The following SLC8A1 variants were observed in gnomAD, a reference collection of about 807,000 sequenced individuals.
The protein encoded by SLC8A1 is solute carrier family 8 member A1, also known as sodium/calcium exchanger 1.
SLC8A1 carries 18 observed loss-of-function variants against 68.3 expected under a neutral mutation model. That is an observed-to-expected ratio of 0.26 (90% CI 0.18 to 0.39). The LOEUF is 0.39. Among genes scored for constraint, SLC8A1 ranks in the 10% least tolerant of loss-of-function variants. SLC8A1 has a pLI of 1.00. For synonymous variants in SLC8A1, 475 were observed against 415.5 expected, an observed-to-expected ratio of 1.14 and a Z score of -1.74; for missense variants, 985 against 1,156.7, an observed-to-expected ratio of 0.85 and a Z score of 2.15.
intron 2 of SLC8A1, among the ~76,000 whole-genome samples, chr2:40,375,920 G>C (rs113519192): frequency 6.6e-6 from 1 of 152,052 alleles, no homozygotes; most frequent in East Asian, 1.9e-4. Context: ...AGAGTCGCTT[G>C]AGCTTAGGAG....
At chr2:40,431,973 G>A (rs765693427) in intron 1 of SLC8A1, among the ~76,000 whole-genome samples, 7 of 152,078 alleles carry the variant, frequency 4.6e-5, no homozygotes, top group Admixed American at 3.9e-4. Flanking sequence ...AAAATCAGAG[G>A]AGGGTTATAG....
intron 2 of SLC8A1, among the ~76,000 whole-genome samples, chr2:40,331,236 A>G (rs938957928): frequency 6.6e-6 from 1 of 152,208 alleles, no homozygotes; most frequent in African/African-American, 2.4e-5. Flanking sequence ...TTATCAATAA[A>G]TGTGTCTTAT....
chr2:40,434,228 AC>A (rs1315691987), intron 1 of SLC8A1, among the ~76,000 whole-genome samples: 1 of 152,192 alleles, frequency 6.6e-6, no homozygotes, highest in Non-Finnish European at 1.5e-5. Flanking sequence ...TTAACTAAAA[AC>A]ATTACAATTA....
intron 6 of SLC8A1, among the ~76,000 whole-genome samples, chr2:40,152,706 G>A (rs1265878504): frequency 6.6e-6 from 1 of 151,872 alleles, no homozygotes; most frequent in African/African-American, 2.4e-5. Flanking sequence ...GTGAGCCACT[G>A]CACCTGACCT....
At chr2:40,377,213 A>G (rs779722098) in intron 2 of SLC8A1, among the ~76,000 whole-genome samples, 1 of 152,120 alleles carries the variant, frequency 6.6e-6, no homozygotes, top group Admixed American at 6.6e-5. Context: ...GAAGAAACTC[A>G]AAGACATTCT....
chr2:40,483,264 T>C (rs565146935), intron 1 of SLC8A1, among the ~76,000 whole-genome samples: 4 of 150,652 alleles, frequency 2.7e-5, no homozygotes, highest in African/African-American at 9.7e-5. Flanking sequence ...TCACTGAAAA[T>C]ATATATGTTA....
exon 8 of SLC8A1, chr2:40,100,918 A>AT (rs2033854325): frequency 6.6e-6 from 1 of 151,964 alleles, no homozygotes; most frequent in Non-Finnish European, 1.5e-5. Context: ...CAGTTACAAC[A>AT]TTTTTCTCCA....
chr2:40,140,575 ACAG>A (rs1345734556), intron 6 of SLC8A1, among the ~76,000 whole-genome samples: 1 of 152,246 alleles, frequency 6.6e-6, no homozygotes, highest in Non-Finnish European at 1.5e-5. Context: ...GAGGGGGTGG[ACAG>A]CAAGCTGGGC....
intron 2 of SLC8A1, among the ~76,000 whole-genome samples, chr2:40,412,180 T>C (rs998039277): frequency 6.6e-6 from 1 of 152,108 alleles, no homozygotes; most frequent in African/African-American, 2.4e-5. Context: ...CTTAGCGATA[T>C]GTCAGAATAT....
chr2:40,251,995 TTTG>T (rs1451157891), intron 2 of SLC8A1, among the ~76,000 whole-genome samples: 4 of 152,034 alleles, frequency 2.6e-5, no homozygotes, highest in Non-Finnish European at 5.9e-5. Context: ...GAGAAAAAAG[TTTG>T]TTTTTATATA....
At chr2:40,479,826 C>T (rs573382185) in intron 1 of SLC8A1, among the ~76,000 whole-genome samples, 1 of 152,286 alleles carries the variant, frequency 6.6e-6, no homozygotes, top group East Asian at 1.9e-4. Flanking sequence ...CAGTTAGTAT[C>T]CCTTGCATTG....
chr2:40,327,652 G>T (rs1173963641), intron 2 of SLC8A1, among the ~76,000 whole-genome samples: 2 of 152,072 alleles, frequency 1.3e-5, no homozygotes, highest in African/African-American at 4.8e-5. Context: ...AATTAATGCA[G>T]GAACAGAAAA....
upstream of SLC8A1, among the ~76,000 whole-genome samples, chr2:40,456,177 G>A (rs1288123064): frequency 1.3e-5 from 2 of 152,176 alleles, no homozygotes; most frequent in East Asian, 3.9e-4. Context: ...TTAGCCGGGC[G>A]TGGTGGCGGG....
chr2:40,507,702 T>G (rs1706457029), intron 1 of SLC8A1, among the ~76,000 whole-genome samples: 1 of 152,090 alleles, frequency 6.6e-6, no homozygotes, highest in African/African-American at 2.4e-5. Flanking sequence ...TTTCTGTGTG[T>G]CAGTGTTTCC....
intron 2 of SLC8A1, among the ~76,000 whole-genome samples, chr2:40,389,185 GT>G (rs1465447628): frequency 3.3e-5 from 5 of 152,002 alleles, no homozygotes; most frequent in Non-Finnish European, 5.9e-5. Flanking sequence ...ATTTATAGGC[GT>G]ATTTAACAGA....
At chr2:40,436,523 T>A (rs1699453408) in intron 1 of SLC8A1, among the ~76,000 whole-genome samples, 1 of 152,100 alleles carries the variant, frequency 6.6e-6, no homozygotes, top group Non-Finnish European at 1.5e-5. Context: ...GCCCTGACAT[T>A]TTCCCCACAA....
At chr2:40,233,844 T>G (rs554247706) in intron 2 of SLC8A1, among the ~76,000 whole-genome samples, 40 of 151,874 alleles carry the variant, frequency 2.6e-4, no homozygotes, top group African/African-American at 7.0e-4. Context: ...CACCATTTAT[T>G]AAATAGGGAA....
chr2:40,269,565 T>C (rs1046259526), intron 2 of SLC8A1, among the ~76,000 whole-genome samples: 36 of 152,152 alleles, frequency 2.4e-4, no homozygotes, highest in African/African-American at 8.4e-4. Flanking sequence ...ACCTGAAGAT[T>C]ACATAGGATG....
chr2:40,389,784 T>A (rs540873836), intron 2 of SLC8A1, among the ~76,000 whole-genome samples: 1 of 151,156 alleles, frequency 6.6e-6, no homozygotes, highest in South Asian at 2.1e-4. Flanking sequence ...TTTTTTATGA[T>A]GGACACTTAA....
Sources: allele counts gnomAD v4.1 joint callset (sites outside exome capture counted in the v4.1 genomes callset), GRCh38; gene constraint gnomAD v4.1.1; transcripts MANE v1.5; gene names NCBI Gene and HGNC (gene_info 2026-07-23, HGNC 2026-07-21).